The following RGS7 variants were observed in gnomAD, a reference collection of about 807,000 sequenced individuals.
RGS7 encodes regulator of G-protein signaling 7.
Under a neutral mutation model 81.1 loss-of-function variants are expected in RGS7, and 27 were observed. That is an observed-to-expected ratio of 0.33 (90% CI 0.25 to 0.46). The LOEUF is 0.46. Among genes scored for constraint, RGS7 ranks in the 20% least tolerant of loss-of-function variants. The pLI, the probability that RGS7 is intolerant of heterozygous loss-of-function variation, is 1.00. For missense variants in RGS7, 396 were observed against 607.4 expected, an observed-to-expected ratio of 0.65 and a Z score of 3.66; for synonymous variants, 208 against 207.7, an observed-to-expected ratio of 1.00 and a Z score of -0.01.
intron 2 of RGS7, among the ~76,000 whole-genome samples, chr1:241,218,811 A>ATT (rs372610236): frequency 6.7e-6 from 1 of 149,212 alleles, no homozygotes; most frequent in African/African-American, 2.5e-5. Flanking sequence ...CACCTGGCTA[A>ATT]TTTTTTTTTT....
At chr1:240,805,752 G>C (rs10926356) in intron 15 of RGS7, among the ~76,000 whole-genome samples, 108,566 of 151,870 alleles carry the variant, frequency 0.71, 39,263 homozygotes, top group Non-Finnish European at 0.78. Flanking sequence ...GTCTTAGAAT[G>C]TCTACATTGA....
intron 2 of RGS7, among the ~76,000 whole-genome samples, chr1:241,122,426 G>A (rs1477859943): frequency 6.6e-6 from 1 of 152,096 alleles, no homozygotes; most frequent in Admixed American, 6.5e-5. Flanking sequence ...ACTTTGGGAT[G>A]CTCAAGCTGG....
rs1285843181 is a variant in RGS7, at chr1:241,207,769, TAAACTA to T, written c.79-109013_79-109008del. On this transcript the variant is annotated intron_variant, in intron 2 of 18. Coordinates refer to ENST00000440928, the MANE Select transcript of RGS7 (RefSeq NM_001364886.1). ...CCACACGTTTGGAAGCAGTTGTCCATAAACTACCTTCGAATGAAACATCCACTAAAT... is the reference window on the plus strand; with the variant it reads ...CCACACGTTTGGAAGCAGTTGTCCATCCTTCGAATGAAACATCCACTAAAT... 1.3e-4 allele frequency among the ~76,000 whole-genome samples: 20 copies of T among 152,278 alleles called. No individual in the cohort carries two copies. The East Asian group carries it at 3.7e-3, about 28-fold the overall frequency.
rs558864233 is a variant in RGS7 at position 241,238,429 on chromosome 1, C to T, written c.78+117270G>A. Among the ~76,000 whole-genome samples, 4 of 152,254 alleles carry T rather than the reference C, an allele frequency of 2.6e-5. No individual in the cohort carries two copies. In the East Asian group the frequency reaches 5.8e-4, roughly 22 times the overall value. ...CTATTTAGGAACAAGCTACACTGTG[C>T]CACCAAAACAGACATCAACAACACC... On this transcript the variant is annotated intron_variant, in intron 2 of 18. Coordinates refer to ENST00000440928, the MANE Select transcript of RGS7 (RefSeq NM_001364886.1).
intron 3 of RGS7, among the ~76,000 whole-genome samples, chr1:241,068,258 AAAATATTGTG>A (rs1558669438): frequency 5.7e-4 from 28 of 48,840 alleles, no homozygotes; most frequent in East Asian, 5.5e-3. Context: ...ATATATATAT[AAAATATTGTG>A]TATATATAAT....
At chr1:241,123,643 C>T (rs748052634) in intron 2 of RGS7, among the ~76,000 whole-genome samples, 6 of 152,202 alleles carry the variant, frequency 3.9e-5, no homozygotes, top group East Asian at 1.9e-4. Context: ...CACAGCTACT[C>T]GGGAGGCTGA....
chr1:241,171,553 T>C (rs6429245), intron 2 of RGS7, among the ~76,000 whole-genome samples: 24,725 of 152,200 alleles, frequency 0.16, 2,875 homozygotes, highest in African/African-American at 0.32. Context: ...ATCCTGTAAA[T>C]CTACAATTAT....
chr1:240,997,940 C>G (rs1687544117), intron 3 of RGS7, among the ~76,000 whole-genome samples: 1 of 152,136 alleles, frequency 6.6e-6, no homozygotes, highest in African/African-American at 2.4e-5. Flanking sequence ...CTTATCGTTT[C>G]CCTTTTATTT....
At chr1:240,783,870 TG>T (rs1221906724) in intron 18 of RGS7, among the ~76,000 whole-genome samples, 1 of 151,956 alleles carries the variant, frequency 6.6e-6, no homozygotes, top group Non-Finnish European at 1.5e-5. Flanking sequence ...CTTATTTTAT[TG>T]CTGTCATAAA....
intron 4 of RGS7, among the ~76,000 whole-genome samples, chr1:240,937,648 CACTTTAA>C (rs1676871417): frequency 6.6e-6 from 1 of 152,206 alleles, no homozygotes; most frequent in African/African-American, 2.4e-5. Flanking sequence ...GCATTTATAG[CACTTTAA>C]ACTTTTAAAA....
chr1:240,846,868 T>C (rs1452890545), intron 9 of RGS7, among the ~76,000 whole-genome samples: 2 of 152,120 alleles, frequency 1.3e-5, no homozygotes, highest in Non-Finnish European at 2.9e-5. Flanking sequence ...TGAAGCTGCC[T>C]GCAAACCACC....
intron 2 of RGS7, among the ~76,000 whole-genome samples, chr1:241,112,181 T>C (rs918288475): frequency 2.6e-5 from 4 of 152,138 alleles, no homozygotes; most frequent in African/African-American, 9.7e-5. Context: ...GGATTAAGTG[T>C]AGGCAGAAGG....
chr1:240,987,523 ATTC>A (rs1290836449), intron 3 of RGS7, among the ~76,000 whole-genome samples: 27 of 151,232 alleles, frequency 1.8e-4, no homozygotes, highest in African/African-American at 4.6e-4. Flanking sequence ...TGTTATAACT[ATTC>A]TTCTTTTTTT....
At chr1:241,235,296 C>T (rs1286744087) in intron 2 of RGS7, among the ~76,000 whole-genome samples, 1 of 152,214 alleles carries the variant, frequency 6.6e-6, no homozygotes, top group Non-Finnish European at 1.5e-5. Context: ...CCCAGATAAT[C>T]TAACTTCCAA....
intron 2 of RGS7, among the ~76,000 whole-genome samples, chr1:241,116,796 A>C (rs1168145824): frequency 6.6e-6 from 1 of 152,188 alleles, no homozygotes; most frequent in Admixed American, 6.5e-5. Flanking sequence ...GGAAATGTTC[A>C]GTATCCTCCT....
chr1:240,973,850 G>C (rs1209095477), intron 4 of RGS7, among the ~76,000 whole-genome samples: 1 of 152,106 alleles, frequency 6.6e-6, no homozygotes, highest in Non-Finnish European at 1.5e-5. Flanking sequence ...AAAGTGCTGG[G>C]ATTACAGGCG....
intron 2 of RGS7, among the ~76,000 whole-genome samples, chr1:241,104,691 A>G (rs2064993486): frequency 6.6e-6 from 1 of 152,236 alleles, no homozygotes. Context: ...TGTATTTTAC[A>G]AAGTAATTTT....
intron 3 of RGS7, among the ~76,000 whole-genome samples, chr1:241,088,029 T>C (rs904308953): frequency 3.2e-4 from 30 of 93,756 alleles, no homozygotes; most frequent in South Asian, 1.4e-3. Flanking sequence ...CACACACACA[T>C]ATATATATAC....
chr1:240,887,581 G>C (rs1273377714), intron 6 of RGS7, among the ~76,000 whole-genome samples: 1 of 152,126 alleles, frequency 6.6e-6, no homozygotes, highest in Non-Finnish European at 1.5e-5. Flanking sequence ...AGTTATCTTA[G>C]TGTCTCATTT....
Sources: gnomAD v4.1 joint callset for allele counts (sites outside exome capture counted in the v4.1 genomes callset) on GRCh38, gnomAD v4.1.1 for gene constraint, MANE v1.5 for transcripts, NCBI Gene and HGNC (gene_info 2026-07-23, HGNC 2026-07-21) for gene names.